The following PRKG1 variants were observed in gnomAD, a reference collection of about 807,000 sequenced individuals.
PRKG1 encodes protein kinase cGMP-dependent 1.
In PRKG1, 35 loss-of-function variants were observed where a neutral mutation model predicts 88.1. That is an observed-to-expected ratio of 0.40 (90% CI 0.30 to 0.53). PRKG1 has a LOEUF of 0.53. Ranked by LOEUF, PRKG1 falls within the 20% of genes least tolerant of loss-of-function variation. The pLI is 0.59. For synonymous variants in PRKG1, 303 were observed against 292.5 expected (o/e 1.04, Z -0.37); for missense variants, 540 against 839.8 (o/e 0.64, Z 4.41).
At chr10:51,710,170 G>A (rs1467994147) in intron 3 of PRKG1, among the ~76,000 whole-genome samples, 1 of 152,080 alleles carries the variant, frequency 6.6e-6, no homozygotes, top group African/African-American at 2.4e-5. Context: ...ATGGTGCTCA[G>A]ATTTGAGTCT....
At chr10:51,833,579 A>T (rs1409838683) in intron 4 of PRKG1, among the ~76,000 whole-genome samples, 1 of 152,204 alleles carries the variant, frequency 6.6e-6, no homozygotes, top group Non-Finnish European at 1.5e-5. Context: ...GACAAATAAT[A>T]ATTGTATATG....
intron 3 of PRKG1, among the ~76,000 whole-genome samples, chr10:51,601,409 A>G (rs535894434): frequency 6.6e-6 from 1 of 152,290 alleles, no homozygotes; most frequent in South Asian, 2.1e-4. Context: ...AAAGATTGTT[A>G]TTCTTTCTAT....
intron 9 of PRKG1, among the ~76,000 whole-genome samples, chr10:52,243,745 TAAATA>T (rs1413821602): frequency 5.3e-5 from 8 of 152,142 alleles, no homozygotes; most frequent in South Asian, 2.1e-4. Flanking sequence ...CAGGATAAAT[TAAATA>T]AGAGAGATTT....
intron 9 of PRKG1, among the ~76,000 whole-genome samples, chr10:52,244,234 T>C (rs1201717095): frequency 6.6e-6 from 1 of 152,006 alleles, no homozygotes; most frequent in East Asian, 1.9e-4. Context: ...TAGTAATAGG[T>C]ACTTTAGAAA....
chr10:52,126,422 A>T (rs1847932080), intron 7 of PRKG1, among the ~76,000 whole-genome samples: 1 of 152,176 alleles, frequency 6.6e-6, no homozygotes, highest in South Asian at 2.1e-4. Flanking sequence ...ATTCACCAAG[A>T]TGTTAATCTT....
intron 3 of PRKG1, among the ~76,000 whole-genome samples, chr10:51,650,223 C>T (rs1331395059): frequency 1.3e-5 from 2 of 152,146 alleles, no homozygotes; most frequent in Non-Finnish European, 2.9e-5. Flanking sequence ...GGAATCTGGA[C>T]TTGTTTTCTC....
chr10:51,362,750 G>A (rs1842509735), intron 2 of PRKG1, among the ~76,000 whole-genome samples: 2 of 151,674 alleles, frequency 1.3e-5, no homozygotes, highest in Admixed American at 1.3e-4. Context: ...TCTACGTTAG[G>A]TATTTCTCCT....
At chr10:51,286,380 T>C (rs1259609935) in intron 2 of PRKG1, among the ~76,000 whole-genome samples, 1 of 152,200 alleles carries the variant, frequency 6.6e-6, no homozygotes, top group Admixed American at 6.5e-5. Flanking sequence ...CATCACAACA[T>C]CCCTGACTAT....
intron 6 of PRKG1, among the ~76,000 whole-genome samples, chr10:52,057,196 G>T (rs995558353): frequency 6.6e-6 from 1 of 152,190 alleles, no homozygotes; most frequent in African/African-American, 2.4e-5. Context: ...CCCTTGTTCA[G>T]TTCCACTTAT....
At position 51,850,802 on chromosome 10, in the gene PRKG1, A is replaced by G. The variant is rs140751994; in HGVS notation, c.698+46112A>G. Among the ~76,000 whole-genome samples, 63 of 152,222 alleles carry G rather than the reference A, an allele frequency of 4.1e-4. No homozygotes were observed. In the East Asian group the frequency reaches 9.9e-3, roughly 24 times the overall value. ...TGTTACACTATTTCTCACCTTTTAG[A>G]TTGGTAAACATTCCAACTATGACAA... On this transcript the variant is annotated intron_variant, in intron 4 of 17. Transcript: ENST00000373980.
At chr10:51,016,566 T>G (rs74133940) in intron 1 of PRKG1, among the ~76,000 whole-genome samples, 3,571 of 152,016 alleles carry the variant, frequency 0.023, 78 homozygotes, top group African/African-American at 0.054. Context: ...TGAGAAGTAT[T>G]TAAACATTTC....
At chr10:51,049,747 C>T (rs945218491) in intron 1 of PRKG1, among the ~76,000 whole-genome samples, 8 of 152,096 alleles carry the variant, frequency 5.3e-5, no homozygotes, top group African/African-American at 1.4e-4. Context: ...GGGTCTTATG[C>T]CCAACATATA....
intron 3 of PRKG1, among the ~76,000 whole-genome samples, chr10:51,646,820 T>G (rs1005903514): frequency 1.8e-4 from 28 of 152,174 alleles, no homozygotes; most frequent in African/African-American, 6.7e-4. Context: ...TAATGAAAGA[T>G]GGACAAAATA....
At chr10:51,142,545 A>C (rs539748922) in intron 1 of PRKG1, among the ~76,000 whole-genome samples, 1 of 152,240 alleles carries the variant, frequency 6.6e-6, no homozygotes, top group Non-Finnish European at 1.5e-5. Context: ...AGAGAGAGAC[A>C]GAGATTATGA....
intron 1 of PRKG1, among the ~76,000 whole-genome samples, chr10:51,088,645 A>G (rs1844317023): frequency 6.6e-6 from 1 of 151,888 alleles, no homozygotes; most frequent in Non-Finnish European, 1.5e-5. Flanking sequence ...CATTTTTTCC[A>G]TATCCATCAG....
chr10:52,110,070 G>A (rs1224713995), intron 7 of PRKG1, among the ~76,000 whole-genome samples: 1 of 151,938 alleles, frequency 6.6e-6, no homozygotes, highest in Non-Finnish European at 1.5e-5. Context: ...TCTAGGCCGG[G>A]CGCCGTGGCT....
chr10:51,537,161 T>C (rs1286542917), intron 3 of PRKG1, among the ~76,000 whole-genome samples: 1 of 152,184 alleles, frequency 6.6e-6, no homozygotes, highest in Non-Finnish European at 1.5e-5. Context: ...GAATTTTTTA[T>C]AATTAAAATT....
intron 7 of PRKG1, among the ~76,000 whole-genome samples, chr10:52,092,484 T>C (rs1349272619): frequency 1.3e-5 from 2 of 152,120 alleles, no homozygotes; most frequent in African/African-American, 4.8e-5. Context: ...ATGTGGAAGC[T>C]GCTGATATTC....
At chr10:51,004,641 C>G (rs147920256) in intron 1 of PRKG1, among the ~76,000 whole-genome samples, 4 of 151,982 alleles carry the variant, frequency 2.6e-5, no homozygotes, top group Non-Finnish European at 5.9e-5. Flanking sequence ...TGAGAATGCT[C>G]TTTTCGGAAT....
Sources: gnomAD v4.1 joint callset for allele counts (sites outside exome capture counted in the v4.1 genomes callset) on GRCh38, gnomAD v4.1.1 for gene constraint, MANE v1.5 for transcripts, NCBI Gene and HGNC (gene_info 2026-07-23, HGNC 2026-07-21) for gene names.